The following ZFHX3 variants were observed in gnomAD, a reference collection of about 807,000 sequenced individuals.
ZFHX3 encodes zinc finger homeobox 3.
ZFHX3 carries 42 observed loss-of-function variants against 279.1 expected under a neutral mutation model. The ratio of observed to expected loss-of-function variants is 0.15; its 90% CI spans 0.12 to 0.19. The LOEUF is 0.19. Ranked by LOEUF, ZFHX3 falls within the 10% of genes least tolerant of loss-of-function variation. The probability of loss-of-function intolerance (pLI) is 1.00; values close to 1 mark genes in which losing one functional copy is unlikely to be tolerated. For synonymous variants in ZFHX3, 2,293 were observed against 1,957.8 expected (o/e 1.17, Z -4.52); for missense variants, 4,981 against 4,754.0 (o/e 1.05, Z -1.40).
At chr16:73,546,747 T>A (rs1414283338) in intron 2 of ZFHX3, among the ~76,000 whole-genome samples, 1 of 149,090 alleles carries the variant, frequency 6.7e-6, no homozygotes, top group Non-Finnish European at 1.5e-5. Flanking sequence ...TTGCTTCTTT[T>A]TCGGCTTCTT....
intron 7 of ZFHX3, among the ~76,000 whole-genome samples, chr16:73,105,364 T>TATACACACATATATATATATATACAC (rs765197468): frequency 2.6e-5 from 2 of 76,906 alleles, no homozygotes; most frequent in African/African-American, 1.1e-4. Context: ...CACATATATA[T>TATACACACATATATATATATATACAC]ACACACATAT....
intron 1 of ZFHX3, among the ~76,000 whole-genome samples, chr16:73,735,359 A>G (rs1459006859): frequency 6.6e-6 from 1 of 151,244 alleles, no homozygotes; most frequent in Admixed American, 6.6e-5. Flanking sequence ...GAAATCCAAT[A>G]AAGCAAGTTC....
rs2015023534 is a variant in ZFHX3 at position 73,300,319 on chromosome 16, G to A, written c.-1194+17921C>T. Among the ~76,000 whole-genome samples, 2 of 145,814 alleles carry A rather than the reference G, an allele frequency of 1.4e-5. 1 individual carries two copies. Among genetic ancestry groups the A allele is most frequent in the South Asian group, 4.5e-4 (2 of 4,442 alleles). On this transcript the variant is annotated intron_variant, in intron 4 of 17. Coordinates refer to the ZFHX3 transcript ENST00000641206. ...GAAATGCCCCATTATAGAAAATAAAGATTCCATGAGGCCATTATAAGGATG... is the reference window on the plus strand; with the variant it reads ...GAAATGCCCCATTATAGAAAATAAAAATTCCATGAGGCCATTATAAGGATG...
intron 2 of ZFHX3, among the ~76,000 whole-genome samples, chr16:73,516,190 C>A (rs1437020235): frequency 6.6e-6 from 1 of 152,120 alleles, no homozygotes; most frequent in East Asian, 1.9e-4. Flanking sequence ...ATAATCACTG[C>A]GAGAAAAGAG....
At chr16:73,030,716 T>C (rs1299331600) in intron 1 of ZFHX3, among the ~76,000 whole-genome samples, 2 of 152,150 alleles carry the variant, frequency 1.3e-5, no homozygotes, top group Admixed American at 6.5e-5. Flanking sequence ...AATGACCAAC[T>C]TGCTACCAAG....
chr16:73,771,455 C>G (rs1342550226), intron 1 of ZFHX3, among the ~76,000 whole-genome samples: 2 of 152,222 alleles, frequency 1.3e-5, no homozygotes, highest in Non-Finnish European at 2.9e-5. Flanking sequence ...AACTTCTAAA[C>G]TCAGTGCCTA....
intron 2 of ZFHX3, among the ~76,000 whole-genome samples, chr16:73,491,531 G>A (rs2019056008): frequency 1.3e-5 from 2 of 152,154 alleles, no homozygotes; most frequent in Non-Finnish European, 1.5e-5. Context: ...AGAAATCCGT[G>A]GCATCCTCAC....
chr16:72,904,382 A>C (rs1022017773), intron 3 of ZFHX3, among the ~76,000 whole-genome samples: 29 of 139,634 alleles, frequency 2.1e-4, no homozygotes, highest in Non-Finnish European at 3.0e-4. Context: ...AAATAAATAA[A>C]TAAATAAATA....
At chr16:73,219,950 G>A (rs13334996) in intron 5 of ZFHX3, among the ~76,000 whole-genome samples, 5,783 of 152,146 alleles carry the variant, frequency 0.038, 382 homozygotes, top group African/African-American at 0.13. Flanking sequence ...GCCAGGTGTG[G>A]TGACACGTGC....
chr16:73,300,178 G>A (rs1342515754), intron 4 of ZFHX3, among the ~76,000 whole-genome samples: 5 of 150,878 alleles, frequency 3.3e-5, no homozygotes, highest in Admixed American at 1.3e-4. Context: ...GAGCCCAGAT[G>A]GCTTGAGCCC....
chr16:73,434,621 G>A (rs1420102085), intron 3 of ZFHX3, among the ~76,000 whole-genome samples: 1 of 147,366 alleles, frequency 6.8e-6, no homozygotes, highest in Non-Finnish European at 1.5e-5. Flanking sequence ...TTTTTTTTTT[G>A]TTGTTGCTTT....
chr16:73,801,702 G>A (rs1308018496), intron 1 of ZFHX3, among the ~76,000 whole-genome samples: 1 of 152,172 alleles, frequency 6.6e-6, no homozygotes, highest in East Asian at 1.9e-4. Context: ...TTCCAGAAGT[G>A]GTCAGCATCC....
intron 5 of ZFHX3, among the ~76,000 whole-genome samples, chr16:73,243,740 C>T (rs951226834): frequency 3.4e-5 from 5 of 146,228 alleles, no homozygotes; most frequent in Admixed American, 1.3e-4. Context: ...GTATCCAACA[C>T]GTTTTGTGTG....
intron 4 of ZFHX3, among the ~76,000 whole-genome samples, chr16:73,303,036 T>C (rs1166844215): frequency 1.3e-5 from 2 of 150,778 alleles, no homozygotes; most frequent in Non-Finnish European, 3.0e-5. Context: ...ATGGAGACTT[T>C]TTTTTTTTTT....
At chr16:72,833,670 A>C (rs1050812922) in intron 4 of ZFHX3, among the ~76,000 whole-genome samples, 1 of 152,122 alleles carries the variant, frequency 6.6e-6, no homozygotes, top group Admixed American at 6.5e-5. Context: ...AGGACCTGGG[A>C]GAGAAGGTCA....
intron 2 of ZFHX3, among the ~76,000 whole-genome samples, chr16:73,604,029 C>A (rs532055940): frequency 2.0e-4 from 31 of 152,118 alleles, no homozygotes; most frequent in African/African-American, 7.2e-4. Context: ...TTTGCCACCT[C>A]AGCCTCCCAC....
rs901585022 is a variant in ZFHX3 at position 73,325,065 on chromosome 16, CTCTT to C, written c.-1290-6733_-1290-6730del. On this transcript the variant is annotated intron_variant, in intron 3 of 17. Coordinates refer to the ZFHX3 transcript ENST00000641206. The stretch of plus-strand genomic sequence containing the variant: ...TTTGTGTATGTTAGAGCTCATCTGA[CTCTT>C]TCACAACCTCTCTGGCTGCGAAGTA... Among the ~76,000 whole-genome samples, 27 of 152,316 alleles carry C rather than the reference CTCTT, an allele frequency of 1.8e-4. 1 individual carries two copies. The South Asian group carries it at 2.5e-3, about 14-fold the overall frequency.
At chr16:73,594,741 G>C (rs1315805401) in intron 2 of ZFHX3, among the ~76,000 whole-genome samples, 1 of 152,176 alleles carries the variant, frequency 6.6e-6, no homozygotes, top group African/African-American at 2.4e-5. Flanking sequence ...ATTGGCATGC[G>C]ATATTTTATC....
rs751575363 is a variant in ZFHX3, at chr16:72,787,719, A to ACCG, written c.10554_10556dup (p.Gly3527dup). ...AGCCGCCGCCGCCGCCGCCGCCGCC[A>ACCG]CCGCCGCCGCCGCCGCCACTGCCAC... On this transcript the variant is annotated inframe_insertion, in exon 10 of 10. Coordinates refer to ENST00000268489, the MANE Select transcript of ZFHX3 (RefSeq NM_006885.4). 1.0e-3 allele frequency: 1,361 copies of ACCG among 1,297,192 alleles called. 3 individuals are homozygous for ACCG. The highest frequency in any genetic ancestry group is 2.1e-3 in the Admixed American group (76 of 35,940). 80.4% of individuals were successfully genotyped at this position (1,297,192 alleles called of 1,614,324 possible). A position where few individuals can be genotyped will look rare whatever the true frequency, so the allele number is the denominator to read the frequency against.
Sources: allele counts gnomAD v4.1 joint callset (sites outside exome capture counted in the v4.1 genomes callset), GRCh38; gene constraint gnomAD v4.1.1; transcripts MANE v1.5; gene names NCBI Gene and HGNC (gene_info 2026-07-23, HGNC 2026-07-21).